The following UQCRC1 variants were observed in gnomAD, a reference collection of about 807,000 sequenced individuals.
UQCRC1 encodes the protein ubiquinol-cytochrome c reductase core protein 1.
Under a neutral mutation model 58.0 loss-of-function variants are expected in UQCRC1, and 34 were observed. The ratio of observed to expected loss-of-function variants is 0.59; its 90% CI spans 0.45 to 0.78. UQCRC1 has a LOEUF of 0.78. UQCRC1 is among the 30% of genes least tolerant of loss of function. The probability of loss-of-function intolerance (pLI) is 0.00; values close to 1 mark genes in which losing one functional copy is unlikely to be tolerated. For missense variants in UQCRC1, 610 were observed against 646.0 expected (o/e 0.94, Z 0.60); for synonymous variants, 276 against 248.8 (o/e 1.11, Z -1.03).
Position 48,609,249 on chromosome 3 carries a change from C to A in UQCRC1, c.123G>T (p.Ala41=). ...ALRSTATFAQ[A]LQFVPETQVS... ...CCTGCGTCTCCGGCACGAACTGGAG[C>A]GCCTGAGCGAAGGTTGCCGTACTCC... The change falls in exon 2 of 13, where the codon GCG becomes GCT. Residue 41 remains alanine, a synonymous_variant. Coordinates refer to ENST00000203407, the MANE Select transcript of UQCRC1 (RefSeq NM_003365.3). 6.2e-7 allele frequency: 1 copy of A among 1,611,684 alleles called. No individual in the cohort carries two copies. Among genetic ancestry groups the A allele is most frequent in the Non-Finnish European group, 8.5e-7 (1 of 1,178,696 alleles).
intron 2 of UQCRC1, among the ~76,000 whole-genome samples, chr3:48,608,047 C>T (rs2046430259): frequency 1.3e-5 from 2 of 152,284 alleles, no homozygotes; most frequent in South Asian, 4.1e-4. Flanking sequence ...GTCTTGAACT[C>T]CTGGCCTCAG....
intron 6 of UQCRC1, among the ~76,000 whole-genome samples, chr3:48,602,622 A>G (rs1316634106): frequency 6.7e-6 from 1 of 149,810 alleles, no homozygotes; most frequent in Non-Finnish European, 1.5e-5. Context: ...CCCCGGGTTC[A>G]AGGGATTCTC....
At chr3:48,600,659 G>GT in intron 9 of UQCRC1, 21 bp downstream of exon 9, 1 of 1,614,078 alleles carries the variant, frequency 6.2e-7, no homozygotes. Context: ...TCCCACCTAG[G>GT]AATACCAGGC....
chr3:48,609,495 A>G (rs2046445488), intron 1 of UQCRC1, 57 bp downstream of exon 1: 1 of 1,537,448 alleles, frequency 6.5e-7, no homozygotes, highest in Middle Eastern at 1.7e-4. Context: ...AACAGCCCAC[A>G]CCTGTCCGCT....
At chr3:48,607,490 T>G (rs1005583794) in intron 2 of UQCRC1, among the ~76,000 whole-genome samples, 1 of 152,096 alleles carries the variant, frequency 6.6e-6, no homozygotes, top group African/African-American at 2.4e-5. Flanking sequence ...TTTTTTTTAT[T>G]GTATAAATTT....
At chr3:48,609,072 G>GA in intron 2 of UQCRC1, 90 bp downstream of exon 2, 1 of 1,513,966 alleles carries the variant, frequency 6.6e-7, no homozygotes, top group Non-Finnish European at 8.9e-7. Flanking sequence ...CCACAAACGG[G>GA]AAGACTCGAG....
At chr3:48,608,517 A>G (rs1559458152) in intron 2 of UQCRC1, among the ~76,000 whole-genome samples, 1 of 152,226 alleles carries the variant, frequency 6.6e-6, no homozygotes, top group Non-Finnish European at 1.5e-5. Context: ...ACCTTTTCCT[A>G]TGCTTAGTAA....
At chr3:48,605,675 G>A (rs1319041457) in intron 3 of UQCRC1, 95 bp downstream of exon 3, 43 of 1,246,144 alleles carry the variant, frequency 3.5e-5, no homozygotes, top group Middle Eastern at 2.0e-4. Flanking sequence ...CCCCGCAACT[G>A]AGGCCCATAA....
chr3:48,603,226 A>T (rs1425711521), intron 6 of UQCRC1, among the ~76,000 whole-genome samples: 1 of 152,200 alleles, frequency 6.6e-6, no homozygotes, highest in Middle Eastern at 3.2e-3. Flanking sequence ...TCAACACACA[A>T]CTAATGGCTG....
At position 48,604,271 on chromosome 3, in the gene UQCRC1, A is replaced by C. The variant is rs755546584; in HGVS notation, c.588T>G (p.Pro196=). The change falls in exon 5 of 13, where the codon CCT becomes CCG. Residue 196 remains proline (P), a synonymous_variant. Transcript: ENST00000203407. ...TGGGCCCCTCCACAGCCTGGGCTAG[A>C]GGTGTGCCCTGGAATGCTGTGGCAT... The part of the protein sequence containing the change: ...YLHATAFQGT[P]LAQAVEGPSE... 1 of 1,613,292 alleles carries C rather than the reference A, an allele frequency of 6.2e-7. No homozygotes were observed. The highest frequency in any genetic ancestry group is 2.2e-5 in the East Asian group (1 of 44,884).
chr3:48,604,936 C>G, intron 3 of UQCRC1, 156 bp from the exon 4 acceptor site: 1 of 1,128,818 alleles, frequency 8.9e-7, no homozygotes. Context: ...TTACCAAGCA[C>G]TAAGCAGGCC....
At chr3:48,603,980 C>T (rs368580444) in intron 5 of UQCRC1, 70 of 590,458 alleles carry the variant, frequency 1.2e-4, no homozygotes, top group African/African-American at 1.2e-3. Flanking sequence ...ATGGAGGGGA[C>T]ACCCAGACAC....
intron 7 of UQCRC1, 42 bp downstream of exon 7, chr3:48,601,310 G>T: frequency 1.2e-6 from 2 of 1,607,060 alleles, no homozygotes; most frequent in Non-Finnish European, 1.7e-6. Context: ...TCCTCCCACA[G>T]GCCCCCAGCT....
intron 6 of UQCRC1, among the ~76,000 whole-genome samples, chr3:48,601,958 AAAT>A: frequency 6.6e-6 from 1 of 152,176 alleles, no homozygotes; most frequent in East Asian, 1.9e-4. Context: ...GGACATTTGC[AAAT>A]AATGTTACAA....
rs2046358032 is a variant in UQCRC1 at position 48,600,859 on chromosome 3, G to A, written c.967-19C>T. On this transcript the variant is annotated intron_variant, in intron 8 of 12. Transcript: ENST00000203407. ...ACAGGTGCTGCCAGGGGGATAGGTG[G>A]TCAGCACCCACCCTCTTGTCTTCAA... The A allele has an allele frequency of 6.2e-7, 1 of 1,613,630 alleles. No individual in the cohort carries two copies. The highest frequency in any genetic ancestry group is 8.5e-7 in the Non-Finnish European group (1 of 1,179,996).
chr3:48,605,887 A>C, intron 2 of UQCRC1, 31 bp from the exon 3 acceptor site: 1 of 1,608,684 alleles, frequency 6.2e-7, no homozygotes. Flanking sequence ...AAAGGTTACA[A>C]ACAAACCACT....
In UQCRC1 at chr3:48,600,126, G is replaced by A. The variant is rs376280155; in HGVS notation, c.1239C>T (p.Ile413=). The change falls in exon 11 of 13, where the codon ATC becomes ATT. Residue 413 remains isoleucine, a synonymous_variant. Transcript: ENST00000203407. ...GGCCATAGGTCAGGAGGCTGCGTCC[G>A]ATGTCCTCACACACAGGAGTAGTGC... The part of the protein sequence containing the change: ...LDGTTPVCED[I]GRSLLTYGRR... The A allele has an allele frequency of 8.1e-6, 13 of 1,613,972 alleles. No individual in the cohort carries two copies. The highest frequency in any genetic ancestry group is 5.3e-5 in the African/African-American group (4 of 74,902).
At chr3:48,602,059 T>C (rs1056318528) in intron 6 of UQCRC1, among the ~76,000 whole-genome samples, 7 of 151,906 alleles carry the variant, frequency 4.6e-5, no homozygotes, top group African/African-American at 1.5e-4. Context: ...TGGCCTTTTT[T>C]TTTTTTTTTG....
chr3:48,607,662 G>A (rs1403271141), intron 2 of UQCRC1, among the ~76,000 whole-genome samples: 4 of 150,572 alleles, frequency 2.7e-5, no homozygotes, highest in South Asian at 2.1e-4. Context: ...GGGCTCAATC[G>A]ATCCTCCTGC....
Sources: gnomAD v4.1 joint callset for allele counts (sites outside exome capture counted in the v4.1 genomes callset) on GRCh38, gnomAD v4.1.1 for gene constraint, MANE v1.5 for transcripts, NCBI Gene and HGNC (gene_info 2026-07-23, HGNC 2026-07-21) for gene names.